CDCA7L: variants seen among roughly 807,000 people sequenced by gnomAD.
The protein encoded by CDCA7L is cell division cycle associated 7 like.
Under a neutral mutation model 57.4 loss-of-function variants are expected in CDCA7L, and 44 were observed. That is an observed-to-expected ratio of 0.77 (90% confidence interval 0.60 to 0.98). CDCA7L has a LOEUF of 0.98. Among genes scored for constraint, CDCA7L ranks in the 50% least tolerant of loss-of-function variants. The pLI is 0.00. For synonymous variants in CDCA7L, 236 were observed against 202.8 expected (o/e 1.16, Z -1.39); for missense variants, 644 against 580.6 (o/e 1.11, Z -1.12).
intron 2 of CDCA7L, among the ~76,000 whole-genome samples, chr7:21,914,901 G>A (rs1164709640): frequency 6.6e-6 from 1 of 152,168 alleles, no homozygotes; most frequent in Non-Finnish European, 1.5e-5. Flanking sequence ...AGAAGCAGCT[G>A]TTCTGTTTCT....
At chr7:21,942,044 C>T (rs186904536) in intron 1 of CDCA7L, among the ~76,000 whole-genome samples, 1 of 151,142 alleles carries the variant, frequency 6.6e-6, no homozygotes, top group Non-Finnish European at 1.5e-5. Flanking sequence ...GGGAAAGAGG[C>T]GTGTTTTCTG....
intron 2 of CDCA7L, among the ~76,000 whole-genome samples, chr7:21,915,779 G>A (rs1182837999): frequency 6.6e-6 from 1 of 151,944 alleles, no homozygotes; most frequent in Non-Finnish European, 1.5e-5. Flanking sequence ...AGTGAGCCAA[G>A]ATCATGCCAC....
rs1452675096 is a variant in CDCA7L at position 21,902,192 on chromosome 7, A to AAATT, written c.*129_*130insAATT. 5.5e-6 allele frequency: 5 copies of AAATT among 911,772 alleles called. No homozygotes were observed. The highest frequency in any genetic ancestry group is 8.9e-6 in the Non-Finnish European group (5 of 560,124). The allele number at this position is 911,772 out of a possible 1,614,324, so 56.5% of individuals were successfully genotyped here. On this transcript the variant is annotated 3_prime_UTR_variant, in exon 10 of 10. Coordinates refer to ENST00000406877, the MANE Select transcript of CDCA7L (RefSeq NM_018719.5). Reference sequence around the variant, plus strand: ...AAGCATATAAACAATCTTTAACAAAAAATAGTAATTTCTACAAAGAATTTC... The same window carrying AAATT: ...AAGCATATAAACAATCTTTAACAAAAAATTAATAGTAATTTCTACAAAGAATTTC...
intron 1 of CDCA7L, among the ~76,000 whole-genome samples, chr7:21,927,768 G>C (rs1484755863): frequency 6.6e-6 from 1 of 152,156 alleles, no homozygotes; most frequent in Non-Finnish European, 1.5e-5. Flanking sequence ...CTTGAAAGTA[G>C]TCACATACAA....
intron 7 of CDCA7L, among the ~76,000 whole-genome samples, chr7:21,905,236 C>CAGTT (rs1352051936): frequency 1.3e-5 from 2 of 151,864 alleles, no homozygotes; most frequent in Non-Finnish European, 2.9e-5. Context: ...AAACCATTAA[C>CAGTT]AGTTACATAT....
intron 8 of CDCA7L, 155 bp downstream of exon 8, chr7:21,903,955 A>G (rs942762525): frequency 4.9e-6 from 3 of 613,550 alleles, no homozygotes; most frequent in African/African-American, 3.7e-5. Flanking sequence ...AGGAATCCCT[A>G]TTTTTCATTT....
chr7:21,915,116 G>A (rs1049957788), intron 2 of CDCA7L, among the ~76,000 whole-genome samples: 3 of 152,194 alleles, frequency 2.0e-5, no homozygotes, highest in East Asian at 1.9e-4. Flanking sequence ...TAAGAGCTAC[G>A]AGGGCTACGG....
At position 21,901,027 on chromosome 7, in the gene CDCA7L, G is replaced by A. The variant is rs1397179633; in HGVS notation, c.*1295C>T. 1.9e-6 allele frequency: 3 copies of A among 1,608,916 alleles called. No homozygotes were observed. In the East Asian group the frequency reaches 6.7e-5, roughly 36 times the overall value. On this transcript the variant is annotated 3_prime_UTR_variant, in exon 10 of 10. Transcript: ENST00000406877. ...CATAGGCGCCCGCTGGGACACCCAA[G>A]CAGGAACCATTGTTGAAGCCCGTCT...
intron 1 of CDCA7L, among the ~76,000 whole-genome samples, chr7:21,924,120 A>G (rs751486894): frequency 1.3e-5 from 2 of 152,224 alleles, no homozygotes; most frequent in African/African-American, 2.4e-5. Flanking sequence ...AAGCTTTTCC[A>G]TAACTCAATG....
chr7:21,938,833 T>C (rs1176566218), intron 1 of CDCA7L, among the ~76,000 whole-genome samples: 1 of 151,910 alleles, frequency 6.6e-6, no homozygotes. Context: ...AGAGACTCCA[T>C]CTCTACCAGA....
In CDCA7L at chr7:21,901,180, A is replaced by ACCTTC; in HGVS notation, c.*1137_*1141dup. On this transcript the variant is annotated 3_prime_UTR_variant, in exon 10 of 10. Coordinates refer to ENST00000406877, the MANE Select transcript of CDCA7L (RefSeq NM_018719.5). ...ACTGAGAGGCCCCAGCTACATCTGG[A>ACCTTC]CCTTCAGGCTGAAGAGCGAAGAGAA... The ACCTTC allele has an allele frequency of 6.2e-7, 1 of 1,613,988 alleles. No individual in the cohort carries two copies. The highest frequency in any genetic ancestry group is 8.5e-7 in the Non-Finnish European group (1 of 1,179,862).
At chr7:21,926,717 T>C (rs938029794) in intron 1 of CDCA7L, among the ~76,000 whole-genome samples, 5 of 151,948 alleles carry the variant, frequency 3.3e-5, no homozygotes, top group Non-Finnish European at 5.9e-5. Flanking sequence ...AAAAAAATGT[T>C]TTTTAATTAC....
chr7:21,929,066 G>A (rs1394244024), intron 1 of CDCA7L, among the ~76,000 whole-genome samples: 3 of 152,160 alleles, frequency 2.0e-5, no homozygotes, highest in Non-Finnish European at 2.9e-5. Context: ...GAAAGGTCAG[G>A]TTAACCACAA....
At chr7:21,927,090 A>G (rs12532102) in intron 1 of CDCA7L, among the ~76,000 whole-genome samples, 125,427 of 152,104 alleles carry the variant, frequency 0.82, 53,467 homozygotes, top group East Asian at 0.93. Context: ...CTTCTCGAAT[A>G]TTTAATTCTC....
At chr7:21,943,496 T>C (rs1447834484) in intron 1 of CDCA7L, among the ~76,000 whole-genome samples, 3 of 152,250 alleles carry the variant, frequency 2.0e-5, no homozygotes, top group Admixed American at 1.3e-4. Context: ...CACATTGCTT[T>C]ATTCATAAGG....
intron 4 of CDCA7L, 124 bp from the exon 5 acceptor site, chr7:21,906,763 C>A (rs1785155804): frequency 3.7e-6 from 3 of 809,508 alleles, no homozygotes; most frequent in South Asian, 3.0e-5. Context: ...GTTTATATAA[C>A]CCACAACAGT....
In CDCA7L at chr7:21,916,781, A is replaced by G. The variant is rs376371029; in HGVS notation, c.138T>C (p.Ser46=). 3.1e-6 allele frequency: 5 copies of G among 1,613,928 alleles called. No individual in the cohort carries two copies. The African/African-American group carries it at 4.0e-5, about 13-fold the overall frequency. The change falls in exon 2 of 10, where the codon AGT becomes AGC. Residue 46 remains serine, a synonymous_variant. Transcript: ENST00000406877. ...GTTTCCCTGACTCTAGTGAGTCAAA[A>G]CTATCGCAGCTCTCCTCTGACGAGA... The part of the protein sequence containing the change: ...ETLSSEESCD[S]FDSLESGKQQ...
intron 1 of CDCA7L, among the ~76,000 whole-genome samples, chr7:21,929,232 A>G (rs779675428): frequency 6.6e-5 from 10 of 152,150 alleles, no homozygotes; most frequent in Non-Finnish European, 1.3e-4. Context: ...GAGAAATAAA[A>G]TCCTTTACAG....
Position 21,911,678 on chromosome 7 carries a change from G to GTC in CDCA7L, c.240_241dup (p.Thr81ArgfsTer13). On this transcript the variant is annotated frameshift_variant, in exon 3 of 10. Transcript: ENST00000406877. LOFTEE classifies it high-confidence loss of function. ...CTGCGTAAATCCTGCAAAATCCTCA[G>GTC]TCTCTGAGTCAGTGTCCTCTATAAA... is the stretch of plus-strand genomic sequence containing the variant. 6.2e-7 allele frequency: 1 copy of GTC among 1,613,730 alleles called. No homozygotes were observed. Among genetic ancestry groups the GTC allele is most frequent in the Non-Finnish European group, 8.5e-7 (1 of 1,179,852 alleles).
Sources: allele counts gnomAD v4.1 joint callset (sites outside exome capture counted in the v4.1 genomes callset), GRCh38; gene constraint gnomAD v4.1.1; transcripts MANE v1.5; gene names NCBI Gene and HGNC (gene_info 2026-07-23, HGNC 2026-07-21).